Variants in CPLX2 observed in about 807,000 individuals in gnomAD.
The protein encoded by CPLX2 is complexin 2.
CPLX2 carries 5 observed loss-of-function variants against 16.3 expected under a neutral mutation model. That is an observed-to-expected ratio of 0.31 (90% CI 0.16 to 0.64). The LOEUF (loss-of-function observed/expected upper bound fraction) is 0.64. CPLX2 is among the 30% of genes least tolerant of loss of function. CPLX2 has a pLI of 0.79. For synonymous variants in CPLX2, 89 were observed against 73.2 expected, an observed-to-expected ratio of 1.22 and a Z score of -1.10; for missense variants, 144 against 181.4, an observed-to-expected ratio of 0.79 and a Z score of 1.18.
Position 175,830,897 on chromosome 5 carries a change from A to G in CPLX2, c.-89+21829A>G, listed in dbSNP as rs1758723355. Among the ~76,000 whole-genome samples the G allele has an allele frequency of 6.6e-6, 1 of 152,144 alleles. No homozygotes were observed. Among genetic ancestry groups the G allele is most frequent in the Non-Finnish European group, 1.5e-5 (1 of 68,020 alleles). The stretch of plus-strand genomic sequence containing the variant: ...GCTCCAAACAAGCCTCGATTTTACC[A>G]ACTGGAAGGGGCCTTAGAGCCCAAG... On this transcript the variant is annotated intron_variant, in intron 2 of 4. Coordinates refer to the CPLX2 transcript ENST00000359546. This position sits in a 1 kb window ranked among gnomAD's most constrained non-coding sequence, Gnocchi z 4.0.
intron 1 of CPLX2, among the ~76,000 whole-genome samples, chr5:175,799,024 G>A (rs1230720845): frequency 2.0e-5 from 3 of 152,184 alleles, no homozygotes; most frequent in Non-Finnish European, 4.4e-5. Context: ...AGAATGTTTT[G>A]AGAAGCCACA....
intron 2 of CPLX2, among the ~76,000 whole-genome samples, chr5:175,860,613 A>G (rs1234716193): frequency 1.3e-5 from 2 of 150,244 alleles, no homozygotes; most frequent in Non-Finnish European, 3.0e-5. Context: ...GAAGGAAGGA[A>G]GGAAGGAAGG....
chr5:175,852,055 A>G (rs900333923), intron 2 of CPLX2, among the ~76,000 whole-genome samples: 5 of 152,160 alleles, frequency 3.3e-5, no homozygotes, highest in Admixed American at 1.3e-4. Context: ...AGCCCACAAT[A>G]TTCCCCTCAA....
intron 1 of CPLX2, 151 bp from the exon 2 acceptor site, chr5:175,878,501 A>G (rs1755465648): frequency 5.1e-6 from 3 of 592,096 alleles, no homozygotes; most frequent in South Asian, 2.1e-5. Context: ...GCTCTCTTCC[A>G]TCTCCTTTCT....
At chr5:175,834,953 G>A (rs1377148577) in intron 2 of CPLX2, among the ~76,000 whole-genome samples, 1 of 152,234 alleles carries the variant, frequency 6.6e-6, no homozygotes, top group Non-Finnish European at 1.5e-5. Context: ...CCAGGACAGG[G>A]TCGGGGAAGA....
chr5:175,810,782 C>G (rs928382720), intron 2 of CPLX2, among the ~76,000 whole-genome samples: 1 of 152,322 alleles, frequency 6.6e-6, no homozygotes, highest in Non-Finnish European at 1.5e-5. Flanking sequence ...TTGACAAAGG[C>G]TTTTTGTGAA....
chr5:175,837,110 C>T (rs574543475), intron 2 of CPLX2, among the ~76,000 whole-genome samples: 1 of 152,336 alleles, frequency 6.6e-6, no homozygotes, highest in Admixed American at 6.5e-5. Context: ...CTTCTCCACA[C>T]CTGCAAGGTG....
In CPLX2 at chr5:175,878,898, T is replaced by C; in HGVS notation, c.32-10T>C. ...GACCCCGCCCTCTCCTTCCCACCCC[T>C]TCCTCGTAGGGGCCACAAAGGACAT... On this transcript the variant is annotated splice_polypyrimidine_tract_variant and intron_variant, in intron 2 of 3. Coordinates refer to ENST00000393745, the MANE Select transcript of CPLX2 (RefSeq NM_001008220.2). 1 of 1,446,166 alleles carries C rather than the reference T, an allele frequency of 6.9e-7. No homozygotes were observed. The highest frequency in any genetic ancestry group is 3.1e-5 in the East Asian group (1 of 32,744). 89.6% of individuals were successfully genotyped at this position (1,446,166 alleles called of 1,614,324 possible).
chr5:175,867,996 C>T (rs1030602971), upstream of CPLX2, among the ~76,000 whole-genome samples: 2 of 152,212 alleles, frequency 1.3e-5, no homozygotes, highest in African/African-American at 4.8e-5. Context: ...AGTTCTGTTT[C>T]CTCGGGCACA....
chr5:175,806,550 G>A (rs1301011940), intron 1 of CPLX2, among the ~76,000 whole-genome samples: 1 of 152,142 alleles, frequency 6.6e-6, no homozygotes, highest in African/African-American at 2.4e-5. Context: ...GAGTGCAATG[G>A]TGCCATCTTG....
intron 2 of CPLX2, among the ~76,000 whole-genome samples, chr5:175,860,897 A>T (rs1759361032): frequency 6.6e-6 from 1 of 152,164 alleles, no homozygotes; most frequent in Non-Finnish European, 1.5e-5. Flanking sequence ...TTATGACCAC[A>T]GCAAATTACA....
intron 2 of CPLX2, among the ~76,000 whole-genome samples, chr5:175,834,017 C>T (rs1238328343): frequency 6.6e-6 from 1 of 152,178 alleles, no homozygotes; most frequent in South Asian, 2.1e-4. Context: ...GCTGTTTTAG[C>T]GCAAGATTTT....
chr5:175,831,215 G>GA (rs1049296465), intron 2 of CPLX2, among the ~76,000 whole-genome samples: 3 of 152,154 alleles, frequency 2.0e-5, no homozygotes, highest in African/African-American at 7.2e-5. Flanking sequence ...AGAAACCCTG[G>GA]AAATACATGG....
intron 2 of CPLX2, among the ~76,000 whole-genome samples, chr5:175,835,080 T>G (rs1039950984): frequency 1.3e-5 from 2 of 152,184 alleles, no homozygotes; most frequent in Admixed American, 6.5e-5. Context: ...ATACATCAAT[T>G]TTAAGATATG....
In CPLX2 at chr5:175,811,206, G is replaced by A. The variant is rs143846427; in HGVS notation, c.-89+2138G>A. 2.8e-4 allele frequency among the ~76,000 whole-genome samples: 42 copies of A among 152,374 alleles called. 1 individual carries two copies. The highest frequency in any genetic ancestry group is 9.4e-4 in the African/African-American group (39 of 41,592). ...TATAAACCAGATCTTAAAGCTGGAG[G>A]AGCCAGCTGACTCTGCATTCTGAGT... On this transcript the variant is annotated intron_variant, in intron 2 of 4. Transcript: ENST00000359546.
chr5:175,874,012 G>GCA (rs1231558968), intron 1 of CPLX2, among the ~76,000 whole-genome samples: 2 of 152,210 alleles, frequency 1.3e-5, no homozygotes, highest in East Asian at 3.9e-4. Context: ...GCAAGAGGTG[G>GCA]CACACGAGCA....
At chr5:175,854,003 C>A (rs1343002134) in intron 2 of CPLX2, among the ~76,000 whole-genome samples, 1 of 152,194 alleles carries the variant, frequency 6.6e-6, no homozygotes, top group Non-Finnish European at 1.5e-5. Flanking sequence ...TATCTCAAGC[C>A]TGGCATCAGC....
intron 2 of CPLX2, among the ~76,000 whole-genome samples, chr5:175,854,819 G>A (rs181366169): frequency 2.0e-5 from 3 of 152,112 alleles, no homozygotes; most frequent in East Asian, 1.9e-4. Flanking sequence ...ATGATCCAGC[G>A]CCACAGTGGG....
chr5:175,878,383 G>A (rs1755463157), intron 1 of CPLX2: 1 of 327,690 alleles, frequency 3.1e-6, no homozygotes, highest in Non-Finnish European at 5.6e-6. Context: ...CAATGCTCCT[G>A]GCTTCAATCA....
Sources: gnomAD v4.1 joint callset for allele counts (sites outside exome capture counted in the v4.1 genomes callset) on GRCh38, gnomAD v4.1.1 for gene constraint, Gnocchi (gnomAD v3.1) non-coding constraint, MANE v1.5 for transcripts, NCBI Gene and HGNC (gene_info 2026-07-23, HGNC 2026-07-21) for gene names.